Variants in DGKB observed in about 807,000 individuals in gnomAD.
The protein encoded by DGKB is diacylglycerol kinase beta.
A neutral mutation model predicts 114.3 loss-of-function variants in DGKB; 67 were observed. The ratio of observed to expected loss-of-function variants is 0.59; its 90% confidence interval spans 0.48 to 0.72. DGKB has a LOEUF of 0.72. Ranked by LOEUF, DGKB falls within the 30% of genes least tolerant of loss-of-function variation. The pLI is 0.00. For missense variants in DGKB, 907 were observed against 975.2 expected (o/e 0.93, Z 0.93); for synonymous variants, 398 against 323.1 (o/e 1.23, Z -2.49).
At chr7:14,941,609 A>G (rs75873930) in intron 1 of DGKB, among the ~76,000 whole-genome samples, 2,924 of 152,162 alleles carry the variant, frequency 0.019, 100 homozygotes, top group African/African-American at 0.066. Flanking sequence ...ATGGCACTCA[A>G]ACAATTAATG....
At chr7:14,938,005 G>C (rs559024451) in intron 1 of DGKB, among the ~76,000 whole-genome samples, 1 of 152,128 alleles carries the variant, frequency 6.6e-6, no homozygotes, top group Non-Finnish European at 1.5e-5. Flanking sequence ...TTAAGGTTTT[G>C]GGGAGTCACA....
chr7:14,416,331 G>A (rs1442192143), intron 21 of DGKB, among the ~76,000 whole-genome samples: 1 of 151,974 alleles, frequency 6.6e-6, no homozygotes, highest in Non-Finnish European at 1.5e-5. Flanking sequence ...TGAAATTTTG[G>A]AAGGTAAGAG....
chr7:14,910,790 A>T (rs1293935440), intron 1 of DGKB, among the ~76,000 whole-genome samples: 1 of 152,166 alleles, frequency 6.6e-6, no homozygotes, highest in Admixed American at 6.5e-5. Flanking sequence ...ATTATTTAAG[A>T]TTTGAAATTT....
chr7:14,406,357 T>G (rs1223575569), intron 21 of DGKB, among the ~76,000 whole-genome samples: 1 of 152,008 alleles, frequency 6.6e-6, no homozygotes, highest in African/African-American at 2.4e-5. Flanking sequence ...CTTTAATACT[T>G]TGGGAAAATA....
chr7:14,927,463 G>T (rs1784802087), intron 1 of DGKB, among the ~76,000 whole-genome samples: 1 of 151,656 alleles, frequency 6.6e-6, no homozygotes, highest in Admixed American at 6.6e-5. Context: ...CTATGAGGAT[G>T]CTAGGTAGGT....
chr7:14,790,478 C>A (rs369997398), intron 2 of DGKB, among the ~76,000 whole-genome samples: 1 of 145,302 alleles, frequency 6.9e-6, no homozygotes, highest in South Asian at 2.2e-4. Flanking sequence ...TTCTGAGGTG[C>A]ACAATTTAGG....
chr7:14,721,838 G>C lies in DGKB; in HGVS notation c.323-3153C>G, dbSNP rs1353610928. On this transcript the variant is annotated intron_variant, in intron 5 of 25. Coordinates refer to ENST00000402815, the MANE Select transcript of DGKB (RefSeq NM_001350709.2). ...ATTACTTGATAAAAAGAAAATTGTA[G>C]AACAGGACTTAATTCTTTAAAACTA... is the stretch of plus-strand genomic sequence containing the variant. 2.7e-5 allele frequency among the ~76,000 whole-genome samples: 4 copies of C among 150,750 alleles called. No homozygotes were observed. The South Asian group carries it at 8.3e-4, about 31-fold the overall frequency.
At chr7:14,729,397 C>G (rs1830586522) in intron 5 of DGKB, among the ~76,000 whole-genome samples, 1 of 152,166 alleles carries the variant, frequency 6.6e-6, no homozygotes, top group Non-Finnish European at 1.5e-5. Context: ...GCTGGGATTA[C>G]AGGCACGAGC....
intron 23 of DGKB, among the ~76,000 whole-genome samples, chr7:14,197,640 T>G (rs1005610118): frequency 6.6e-6 from 1 of 152,144 alleles, no homozygotes; most frequent in Admixed American, 6.6e-5. Context: ...TTGGACTGAT[T>G]GCCACTTTTA....
intron 25 of DGKB, among the ~76,000 whole-genome samples, chr7:14,171,513 A>G (rs1246685118): frequency 1.3e-5 from 2 of 152,222 alleles, no homozygotes; most frequent in Non-Finnish European, 2.9e-5. Context: ...AATGTGCAAA[A>G]GCAATGTATA....
intron 8 of DGKB, among the ~76,000 whole-genome samples, chr7:14,697,743 G>GGAAAGAAA (rs749957853): frequency 0.088 from 10,521 of 118,954 alleles, 575 homozygotes; most frequent in East Asian, 0.24. Flanking sequence ...GAAAGAAGGA[G>GGAAAGAAA]GAAAGAAAGA....
At chr7:14,729,853 TATA>T (rs1304907495) in intron 5 of DGKB, among the ~76,000 whole-genome samples, 15 of 152,198 alleles carry the variant, frequency 9.9e-5, no homozygotes, top group Non-Finnish European at 1.5e-5. Flanking sequence ...AGTTCTAGCA[TATA>T]ATGAGTTTAA....
rs1781346890 is a variant in DGKB, at chr7:14,145,131, T to C, written c.*4000A>G. 6.6e-6 allele frequency: 1 copy of C among 152,166 alleles called. No homozygotes were observed. The highest frequency in any genetic ancestry group is 1.5e-5 in the Non-Finnish European group (1 of 68,028). The allele number at this position is 152,166 out of a possible 1,614,324, so 9.4% of individuals were successfully genotyped here. A position where few individuals can be genotyped will look rare whatever the true frequency, so the allele number is the denominator to read the frequency against. On this transcript the variant is annotated 3_prime_UTR_variant, in exon 26 of 26. Coordinates refer to ENST00000402815, the MANE Select transcript of DGKB (RefSeq NM_001350709.2). ...AAATAATTAAGGTACTATAATTAAG[T>C]TCCATGTTTTTAAACACAATAAGGT...
chr7:14,163,801 C>T (rs1406598699), intron 25 of DGKB, among the ~76,000 whole-genome samples: 2 of 152,138 alleles, frequency 1.3e-5, no homozygotes, highest in African/African-American at 4.8e-5. Flanking sequence ...TCGAGACCAG[C>T]CTGACCAATA....
At chr7:14,276,185 C>G (rs553929231) in intron 23 of DGKB, among the ~76,000 whole-genome samples, 3 of 152,070 alleles carry the variant, frequency 2.0e-5, no homozygotes, top group Non-Finnish European at 2.9e-5. Context: ...TATTTGGTAA[C>G]AGAAAAATTT....
At chr7:14,345,502 T>G (rs1812334654) in intron 21 of DGKB, 111 bp from the exon 22 acceptor site, 1 of 587,044 alleles carries the variant, frequency 1.7e-6, no homozygotes, top group Non-Finnish European at 3.0e-6. Context: ...TGAGGACATG[T>G]GACATCTAAA....
intron 2 of DGKB, among the ~76,000 whole-genome samples, chr7:14,800,984 C>G (rs554620636): frequency 6.6e-6 from 1 of 152,218 alleles, no homozygotes; most frequent in South Asian, 2.1e-4. Context: ...GCTATAAACA[C>G]CACCTAAAAC....
chr7:14,167,828 C>G (rs1371457879), intron 25 of DGKB, among the ~76,000 whole-genome samples: 2 of 152,154 alleles, frequency 1.3e-5, no homozygotes, highest in African/African-American at 4.8e-5. Context: ...ATAGTAACAG[C>G]AACAACAATA....
intron 23 of DGKB, among the ~76,000 whole-genome samples, chr7:14,314,786 A>T (rs920491702): frequency 6.6e-6 from 1 of 151,536 alleles, no homozygotes; most frequent in African/African-American, 2.4e-5. Flanking sequence ...AGAGAACGCC[A>T]CAAAGATACT....
Sources: gnomAD v4.1 joint callset for allele counts (sites outside exome capture counted in the v4.1 genomes callset) on GRCh38, gnomAD v4.1.1 for gene constraint, MANE v1.5 for transcripts, NCBI Gene and HGNC (gene_info 2026-07-23, HGNC 2026-07-21) for gene names.